Variants in SLC18A1 observed in about 807,000 individuals in gnomAD.
SLC18A1 encodes chromaffin granule amine transporter.
SLC18A1 carries 69 observed loss-of-function variants against 53.7 expected under a neutral mutation model. The ratio of observed to expected loss-of-function variants is 1.28; its 90% CI spans 1.06 to 1.57. SLC18A1 has a LOEUF of 1.57. SLC18A1 is among the 40% of genes most tolerant of loss of function. The pLI is 0.00. For synonymous variants in SLC18A1, 320 were observed against 248.1 expected (o/e 1.29, Z -2.72); for missense variants, 932 against 668.1 (o/e 1.40, Z -4.35).
intron 8 of SLC18A1, among the ~76,000 whole-genome samples, chr8:20,166,830 C>A (rs1380794835): frequency 6.6e-6 from 1 of 151,984 alleles, no homozygotes; most frequent in East Asian, 1.9e-4. Flanking sequence ...GGGCTCTAAT[C>A]TGAAAAACTG....
chr8:20,153,736 T>C (rs553485417), intron 10 of SLC18A1, among the ~76,000 whole-genome samples: 9 of 151,966 alleles, frequency 5.9e-5, no homozygotes, highest in Non-Finnish European at 1.2e-4. Flanking sequence ...AGTGAATTGG[T>C]GATCCCAGTT....
At chr8:20,153,723 G>T (rs1227753346) in intron 10 of SLC18A1, among the ~76,000 whole-genome samples, 2 of 152,076 alleles carry the variant, frequency 1.3e-5, no homozygotes, top group Non-Finnish European at 2.9e-5. Flanking sequence ...AATTACTCAG[G>T]ACAGTGAATT....
chr8:20,146,586 G>C (rs1460908856), intron 15 of SLC18A1, among the ~76,000 whole-genome samples: 2 of 152,110 alleles, frequency 1.3e-5, no homozygotes, highest in South Asian at 4.2e-4. Flanking sequence ...CCTATGGTAT[G>C]GATCTCTTCC....
chr8:20,162,771 A>C (rs576882487), intron 10 of SLC18A1, among the ~76,000 whole-genome samples: 36 of 152,162 alleles, frequency 2.4e-4, no homozygotes, highest in African/African-American at 8.4e-4. Flanking sequence ...CTCTTAACCA[A>C]TGTCTAAAAA....
intron 10 of SLC18A1, among the ~76,000 whole-genome samples, chr8:20,161,450 T>C (rs1477171546): frequency 1.3e-5 from 2 of 152,188 alleles, no homozygotes; most frequent in African/African-American, 4.8e-5. Context: ...GCATTAGGTG[T>C]TACAAGTCAT....
At chr8:20,164,288 C>G (rs1359343292) in intron 10 of SLC18A1, among the ~76,000 whole-genome samples, 5 of 152,068 alleles carry the variant, frequency 3.3e-5, no homozygotes, top group Admixed American at 3.3e-4. Flanking sequence ...GAAGCTGGAA[C>G]CCTCTCTCCT....
chr8:20,157,157 A>G (rs1206313403), intron 10 of SLC18A1, among the ~76,000 whole-genome samples: 1 of 152,232 alleles, frequency 6.6e-6, no homozygotes, highest in African/African-American at 2.4e-5. Context: ...TGCTCATCGG[A>G]AAATGACTAG....
At chr8:20,168,025 C>G (rs1339190655) in intron 8 of SLC18A1, among the ~76,000 whole-genome samples, 1 of 152,020 alleles carries the variant, frequency 6.6e-6, no homozygotes, top group East Asian at 1.9e-4. Context: ...GAACGTAGGA[C>G]ATATTTTTGT....
Position 20,164,944 on chromosome 8 carries a change from T to G in SLC18A1, c.940A>C (p.Met314Leu), listed in dbSNP as rs750166953. The change falls in exon 10 of 16, where the codon ATG (methionine) becomes CTG (leucine). Residue 314 changes from methionine to leucine, a missense_variant. Coordinates refer to ENST00000276373, the MANE Select transcript of SLC18A1 (RefSeq NM_003053.4). Reference protein sequence around the residue: ...VAAGSICFANMGVAILEPTLP... With the variant: ...VAAGSICFANLGVAILEPTLP... ...GTGGGCTCCAGGATGGCCACCCCCA[T>G]GTTGGCAAAGCAGATGGACCCTGGG... 3 of 1,613,774 alleles carry G rather than the reference T, an allele frequency of 1.9e-6. No homozygotes were observed. The highest frequency in any genetic ancestry group is 4.5e-5 in the East Asian group (2 of 44,880).
intron 10 of SLC18A1, among the ~76,000 whole-genome samples, chr8:20,159,534 A>T (rs2071764927): frequency 6.7e-6 from 1 of 150,294 alleles, no homozygotes; most frequent in Non-Finnish European, 1.5e-5. Flanking sequence ...AATGATCGGG[A>T]TATAAACCCC....
At chr8:20,164,251 CCTCT>C (rs1241590240) in intron 10 of SLC18A1, among the ~76,000 whole-genome samples, 1 of 152,120 alleles carries the variant, frequency 6.6e-6, no homozygotes, top group Non-Finnish European at 1.5e-5. Flanking sequence ...TCTCCAAGCT[CCTCT>C]CTAAGTCGCT....
chr8:20,181,123 T>C, intron 1 of SLC18A1, 36 bp from the exon 2 acceptor site: 1 of 691,996 alleles, frequency 1.4e-6, no homozygotes, highest in East Asian at 3.0e-5. Context: ...TTGCAAGTAG[T>C]AGGATGATAT....
chr8:20,176,032 T>G (rs2072243016), intron 4 of SLC18A1: 1 of 152,178 alleles, frequency 6.6e-6, no homozygotes, highest in Non-Finnish European at 1.5e-5. Context: ...CAGGAAGTCT[T>G]ACATCCTGGG....
rs767123453 is a variant in SLC18A1 at position 20,178,467 on chromosome 8, G to A, written c.515C>T (p.Ala172Val). ...GGAGAGAAACATGATAACAAAGCCA[G>A]CAAACATGGGGATATGATATCCAAT... ...NRIGYHIPMF[A>V]GFVIMFLSTV... The change falls in exon 4 of 16, where the codon GCT (alanine) becomes GTT (valine). Residue 172 changes from alanine to valine, a missense_variant. Physicochemically the swap from Ala to Val is moderately conservative, Grantham distance 64 (BLOSUM62 0). Coordinates refer to ENST00000276373, the MANE Select transcript of SLC18A1 (RefSeq NM_003053.4). The A allele has an allele frequency of 1.3e-5, 21 of 1,607,834 alleles. No individual in the cohort carries two copies. The highest frequency in any genetic ancestry group is 1.8e-5 in the Non-Finnish European group (21 of 1,177,270).
intron 13 of SLC18A1, 65 bp downstream of exon 13, chr8:20,147,942 G>T: frequency 6.4e-7 from 1 of 1,552,382 alleles, no homozygotes; most frequent in South Asian, 1.1e-5. Flanking sequence ...AAAAGGGGGA[G>T]GAAAGGCATC....
chr8:20,151,651 C>A (rs1037685272), intron 10 of SLC18A1, among the ~76,000 whole-genome samples: 2 of 152,176 alleles, frequency 1.3e-5, no homozygotes, highest in African/African-American at 2.4e-5. Context: ...GAACACATGG[C>A]TTTTTGTGAC....
chr8:20,174,257 C>A, intron 5 of SLC18A1, 104 bp downstream of exon 5: 1 of 882,052 alleles, frequency 1.1e-6, no homozygotes, highest in Non-Finnish European at 1.9e-6. Flanking sequence ...ATCCAGGTGA[C>A]ATTTTCCTTA....
chr8:20,146,810 G>C (rs917991271), intron 15 of SLC18A1, among the ~76,000 whole-genome samples: 1 of 125,424 alleles, frequency 8.0e-6, no homozygotes, highest in Non-Finnish European at 1.6e-5. Context: ...GGCAACAAGA[G>C]TGAAACTCCA....
Position 20,147,746 on chromosome 8 carries a change from C to T in SLC18A1, c.1211-24G>A, listed in dbSNP as rs1193160964. ...GCCTGTGGCCAGAGCAAACAGGACACAGTCAGCCCCACCCACAGTTAGTAC... is the reference window on the plus strand; with the variant it reads ...GCCTGTGGCCAGAGCAAACAGGACATAGTCAGCCCCACCCACAGTTAGTAC... On this transcript the variant is annotated intron_variant, in intron 13 of 15. Transcript: ENST00000276373. 5.0e-6 allele frequency: 8 copies of T among 1,608,016 alleles called. No individual in the cohort carries two copies. In the East Asian group the frequency reaches 9.0e-5, roughly 18 times the overall value.
Sources: allele counts gnomAD v4.1 joint callset (sites outside exome capture counted in the v4.1 genomes callset), GRCh38; gene constraint gnomAD v4.1.1; transcripts MANE v1.5; gene names NCBI Gene and HGNC (gene_info 2026-07-23, HGNC 2026-07-21).